Variants in MED27 observed in about 807,000 individuals in gnomAD.
MED27 encodes the protein mediator of RNA polymerase II transcription subunit 27.
Under a neutral mutation model 38.2 loss-of-function variants are expected in MED27, and 30 were observed. The ratio of observed to expected loss-of-function variants is 0.79; its 90% confidence interval spans 0.59 to 1.07. MED27 has a LOEUF of 1.07. Ranked by LOEUF, MED27 falls within the 50% of genes least tolerant of loss-of-function variation. The probability of loss-of-function intolerance (pLI) is 0.00; values close to 1 mark genes in which losing one functional copy is unlikely to be tolerated. For missense variants in MED27, 289 were observed against 397.5 expected, an observed-to-expected ratio of 0.73 and a Z score of 2.32; for synonymous variants, 122 against 153.5, an observed-to-expected ratio of 0.79 and a Z score of 1.52.
At chr9:132,038,352 C>T (rs1011571649) in intron 2 of MED27, among the ~76,000 whole-genome samples, 9 of 151,696 alleles carry the variant, frequency 5.9e-5, no homozygotes, top group South Asian at 2.1e-4. Context: ...CCACTACGCC[C>T]GGCTAATTTT....
chr9:131,955,222 C>T (rs532156880), intron 3 of MED27, among the ~76,000 whole-genome samples: 26 of 151,960 alleles, frequency 1.7e-4, no homozygotes, highest in African/African-American at 6.3e-4. Flanking sequence ...TAGAAAATAC[C>T]TTGGGCTGAA....
At chr9:131,954,694 A>G (rs1193128654) in intron 3 of MED27, among the ~76,000 whole-genome samples, 2 of 151,888 alleles carry the variant, frequency 1.3e-5, no homozygotes, top group Non-Finnish European at 2.9e-5. Context: ...CCTACTACCT[A>G]TTTCTCTCCC....
At chr9:131,987,288 T>A (rs1198191564) in intron 3 of MED27, among the ~76,000 whole-genome samples, 4 of 152,198 alleles carry the variant, frequency 2.6e-5, no homozygotes, top group Non-Finnish European at 5.9e-5. Flanking sequence ...CAGGAAGATT[T>A]CAGAATCTGG....
intron 3 of MED27, among the ~76,000 whole-genome samples, chr9:131,945,465 T>C (rs1017508939): frequency 6.6e-6 from 1 of 152,140 alleles, no homozygotes; most frequent in Non-Finnish European, 1.5e-5. Context: ...ATCTACTGTC[T>C]TAGCAATTTT....
chr9:131,954,345 C>T (rs758542938), intron 3 of MED27, among the ~76,000 whole-genome samples: 20 of 152,238 alleles, frequency 1.3e-4, no homozygotes, highest in African/African-American at 2.9e-4. Flanking sequence ...GCAGCATGCA[C>T]GCTCAGTGGC....
At chr9:131,930,367 C>A (rs1830562432) in intron 4 of MED27, among the ~76,000 whole-genome samples, 1 of 151,952 alleles carries the variant, frequency 6.6e-6, no homozygotes, top group Non-Finnish European at 1.5e-5. Flanking sequence ...AACAAAGCAA[C>A]AGAAAAGAAA....
At chr9:132,036,450 C>A (rs952851016) in intron 2 of MED27, among the ~76,000 whole-genome samples, 4 of 152,352 alleles carry the variant, frequency 2.6e-5, no homozygotes, top group South Asian at 4.1e-4. Flanking sequence ...CATCCTCCCA[C>A]CTTGGCCTCC....
At chr9:131,902,173 T>C (rs1829959881) in intron 4 of MED27, among the ~76,000 whole-genome samples, 1 of 152,164 alleles carries the variant, frequency 6.6e-6, no homozygotes, top group Non-Finnish European at 1.5e-5. Context: ...TGACCCCATC[T>C]CTAAGACGCT....
At chr9:131,940,252 G>A (rs930112395) in intron 3 of MED27, among the ~76,000 whole-genome samples, 1 of 151,986 alleles carries the variant, frequency 6.6e-6, no homozygotes, top group African/African-American at 2.4e-5. Flanking sequence ...TCTCCTGGTT[G>A]TGCTCTAATT....
chr9:131,895,411 CG>C (rs1564272924), intron 4 of MED27, among the ~76,000 whole-genome samples: 1 of 152,132 alleles, frequency 6.6e-6, no homozygotes, highest in African/African-American at 2.4e-5. Flanking sequence ...TCCGACCTGC[CG>C]TCAGTTTCTG....
intron 5 of MED27, among the ~76,000 whole-genome samples, chr9:131,884,755 G>A (rs1469179974): frequency 6.6e-6 from 1 of 151,818 alleles, no homozygotes; most frequent in Non-Finnish European, 1.5e-5. Context: ...CTATAGGCGT[G>A]TGTCACCATG....
At chr9:131,961,638 G>A (rs190655941) in intron 3 of MED27, among the ~76,000 whole-genome samples, 207 of 152,338 alleles carry the variant, frequency 1.4e-3, no homozygotes, top group Non-Finnish European at 2.4e-3. Flanking sequence ...AAGGCCTGAT[G>A]AAGGCAGCAG....
chr9:131,921,072 A>G (rs1041641546), intron 4 of MED27, among the ~76,000 whole-genome samples: 5 of 152,180 alleles, frequency 3.3e-5, no homozygotes, highest in African/African-American at 1.2e-4. Context: ...GGCCAAACAC[A>G]TATCATTTCA....
intron 3 of MED27, among the ~76,000 whole-genome samples, chr9:131,969,812 T>C (rs1166001848): frequency 6.6e-6 from 1 of 152,106 alleles, no homozygotes; most frequent in Non-Finnish European, 1.5e-5. Context: ...TTTTGGAATC[T>C]CTCTAAATCT....
At chr9:131,907,612 G>A (rs1317160712) in intron 4 of MED27, among the ~76,000 whole-genome samples, 2 of 152,104 alleles carry the variant, frequency 1.3e-5, no homozygotes, top group Non-Finnish European at 2.9e-5. Flanking sequence ...CCAAAGTGCC[G>A]AGATTGCAGC....
At chr9:132,043,310 T>G (rs1171898194) in intron 2 of MED27, among the ~76,000 whole-genome samples, 2 of 151,268 alleles carry the variant, frequency 1.3e-5, no homozygotes, top group East Asian at 3.9e-4. Context: ...TATTTTTTTT[T>G]TTTCTTAAAA....
intron 4 of MED27, among the ~76,000 whole-genome samples, chr9:131,933,410 T>C (rs538026915): frequency 6.6e-6 from 1 of 152,128 alleles, no homozygotes; most frequent in Non-Finnish European, 1.5e-5. Flanking sequence ...TTCAGTAAAG[T>C]TGAAGGATAC....
chr9:131,983,535 C>T (rs949660928), intron 3 of MED27, among the ~76,000 whole-genome samples: 3 of 152,218 alleles, frequency 2.0e-5, no homozygotes, highest in African/African-American at 4.8e-5. Flanking sequence ...TGTATGGAAG[C>T]GTATTACTAT....
At chr9:131,922,291 A>T (rs1246514469) in intron 4 of MED27, among the ~76,000 whole-genome samples, 1 of 152,130 alleles carries the variant, frequency 6.6e-6, no homozygotes, top group Non-Finnish European at 1.5e-5. Context: ...ATAGCTTTCA[A>T]TTTTTTACCA....
Sources: gnomAD v4.1 joint callset for allele counts (sites outside exome capture counted in the v4.1 genomes callset) on GRCh38, gnomAD v4.1.1 for gene constraint, MANE v1.5 for transcripts, NCBI Gene and HGNC (gene_info 2026-07-23, HGNC 2026-07-21) for gene names.